NUDT9: variants seen among roughly 807,000 people sequenced by gnomAD.
NUDT9 encodes the protein ADP-ribose pyrophosphatase.
A neutral mutation model predicts 41.0 loss-of-function variants in NUDT9; 31 were observed. The ratio of observed to expected loss-of-function variants is 0.76; its 90% CI spans 0.57 to 1.02. The LOEUF is 1.02. Ranked by LOEUF, NUDT9 falls within the 50% of genes least tolerant of loss-of-function variation. The probability of loss-of-function intolerance (pLI) is 0.00; values close to 1 mark genes in which losing one functional copy is unlikely to be tolerated. For missense variants in NUDT9, 380 were observed against 431.4 expected, an observed-to-expected ratio of 0.88 and a Z score of 1.06; for synonymous variants, 146 against 147.6, an observed-to-expected ratio of 0.99 and a Z score of 0.08.
At chr4:87,430,572 C>T (rs1443676336) in intron 1 of NUDT9, among the ~76,000 whole-genome samples, 1 of 152,094 alleles carries the variant, frequency 6.6e-6, no homozygotes, top group Non-Finnish European at 1.5e-5. Flanking sequence ...AAGTAAATTT[C>T]TCCACATCCT....
intron 4 of NUDT9, among the ~76,000 whole-genome samples, chr4:87,445,995 C>G (rs564826245): frequency 6.7e-6 from 1 of 149,842 alleles, no homozygotes; most frequent in South Asian, 2.1e-4. Context: ...AACTCCTGAT[C>G]TCAAGCAGTC....
intron 3 of NUDT9, among the ~76,000 whole-genome samples, chr4:87,440,508 TG>T (rs548640064): frequency 8.5e-4 from 129 of 152,310 alleles, no homozygotes; most frequent in Non-Finnish European, 1.6e-3. Context: ...CTCTTTATGG[TG>T]GCCTTGATCA....
At chr4:87,447,396 T>C (rs1722505074) in intron 4 of NUDT9, among the ~76,000 whole-genome samples, 1 of 152,166 alleles carries the variant, frequency 6.6e-6, no homozygotes, top group Admixed American at 6.5e-5. Context: ...TGGAAACTCA[T>C]ATGCATACTA....
chr4:87,442,634 A>G (rs1722251996), intron 4 of NUDT9, among the ~76,000 whole-genome samples: 1 of 152,248 alleles, frequency 6.6e-6, no homozygotes, highest in South Asian at 2.1e-4. Context: ...CAACTGTACA[A>G]AAATAGTTTC....
At chr4:87,439,871 A>G (rs1371014925) in intron 3 of NUDT9, among the ~76,000 whole-genome samples, 1 of 152,198 alleles carries the variant, frequency 6.6e-6, no homozygotes, top group Non-Finnish European at 1.5e-5. Context: ...AGCATGTACC[A>G]AATAAAACCA....
intron 4 of NUDT9, among the ~76,000 whole-genome samples, chr4:87,448,564 C>T (rs575296010): frequency 6.6e-6 from 1 of 152,050 alleles, no homozygotes; most frequent in East Asian, 1.9e-4. Context: ...TCAGTGCAAC[C>T]TTAAACTCCT....
At chr4:87,430,040 T>C (rs985812318) in intron 1 of NUDT9, among the ~76,000 whole-genome samples, 7 of 152,098 alleles carry the variant, frequency 4.6e-5, no homozygotes, top group Non-Finnish European at 7.3e-5. Flanking sequence ...GACTTTGAGA[T>C]GGGGAGAGCA....
Position 87,449,141 on chromosome 4 carries a change from G to A in NUDT9, c.531-1G>A, listed in dbSNP as rs568919054. 5 of 1,538,244 alleles carry A rather than the reference G, an allele frequency of 3.3e-6. No individual in the cohort carries two copies. The highest frequency in any genetic ancestry group is 4.5e-6 in the Non-Finnish European group (5 of 1,111,538). The stretch of plus-strand genomic sequence containing the variant: ...TTATGATTTTATATTACTATTCACA[G>A]ATGGAAAAGGGATAGCAGTGGAAAT... On this transcript the variant is annotated splice_acceptor_variant, in intron 4 of 7. Coordinates refer to ENST00000302174, the MANE Select transcript of NUDT9 (RefSeq NM_024047.5). LOFTEE classifies it high-confidence loss of function.
At chr4:87,426,286 T>G (rs1721413679) in intron 1 of NUDT9, among the ~76,000 whole-genome samples, 1 of 152,176 alleles carries the variant, frequency 6.6e-6, no homozygotes. Flanking sequence ...GAAATAGAGA[T>G]AGTAAAACAT....
Position 87,423,028 on chromosome 4 carries a change from A to T in NUDT9, c.107+16A>T. On this transcript the variant is annotated intron_variant, in intron 1 of 7. Coordinates refer to ENST00000302174, the MANE Select transcript of NUDT9 (RefSeq NM_024047.5). ...AGGCGTTCAGGTATTCCACCCTCCT[A>T]CTACCGGCTCCTTTGCCCTAGACCT... The T allele has an allele frequency of 6.3e-7, 1 of 1,599,674 alleles. No individual in the cohort carries two copies. Among genetic ancestry groups the T allele is most frequent in the Non-Finnish European group, 8.6e-7 (1 of 1,169,426 alleles).
intron 1 of NUDT9, among the ~76,000 whole-genome samples, chr4:87,425,684 C>T (rs1042940852): frequency 2.7e-5 from 4 of 147,766 alleles, no homozygotes; most frequent in Non-Finnish European, 4.5e-5. Flanking sequence ...GTGTGAGCCC[C>T]CACGCCTGGC....
At chr4:87,434,933 A>C (rs1323856513) in intron 1 of NUDT9, 48 bp from the exon 2 acceptor site, 4 of 1,527,962 alleles carry the variant, frequency 2.6e-6, no homozygotes, top group Non-Finnish European at 3.6e-6. Flanking sequence ...TTCTTTAATT[A>C]ATATATTTTT....
intron 3 of NUDT9, among the ~76,000 whole-genome samples, 179 bp downstream of exon 3, chr4:87,438,551 A>G (rs868769682): frequency 6.6e-6 from 1 of 151,542 alleles, no homozygotes; most frequent in Admixed American, 6.6e-5. Flanking sequence ...TTTTACAGAT[A>G]AGGGAAGAGA....
At chr4:87,424,126 G>T (rs531485713) in intron 1 of NUDT9, among the ~76,000 whole-genome samples, 6 of 152,202 alleles carry the variant, frequency 3.9e-5, no homozygotes, top group Non-Finnish European at 8.8e-5. Context: ...AGATTGGGGA[G>T]GGAGGAGGAC....
At chr4:87,432,325 A>G (rs981208288) in intron 1 of NUDT9, among the ~76,000 whole-genome samples, 2 of 152,202 alleles carry the variant, frequency 1.3e-5, no homozygotes, top group Admixed American at 1.3e-4. Context: ...TGCCTGAAAC[A>G]GTTTTGGTTG....
intron 3 of NUDT9, among the ~76,000 whole-genome samples, chr4:87,440,307 G>A (rs1206429361): frequency 6.6e-6 from 1 of 152,190 alleles, no homozygotes; most frequent in Non-Finnish European, 1.5e-5. Flanking sequence ...CTAACTTGAG[G>A]AAAAGATGGA....
At chr4:87,451,802 C>A in intron 6 of NUDT9, 67 bp downstream of exon 6, 1 of 1,372,024 alleles carries the variant, frequency 7.3e-7, no homozygotes, top group Non-Finnish European at 1.0e-6. Flanking sequence ...AAAAGTTGAC[C>A]TGGAAATCTG....
chr4:87,430,899 A>G (rs1721657786), intron 1 of NUDT9, among the ~76,000 whole-genome samples: 1 of 150,314 alleles, frequency 6.7e-6, no homozygotes, highest in Admixed American at 6.6e-5. Context: ...TTCTCTCTTG[A>G]TTGTGTCTTT....
intron 1 of NUDT9, among the ~76,000 whole-genome samples, chr4:87,424,412 C>T (rs951426665): frequency 1.3e-5 from 2 of 152,006 alleles, no homozygotes; most frequent in Non-Finnish European, 1.5e-5. Context: ...GGCGCGCGCA[C>T]GCCCGGCTAA....
Sources: allele counts gnomAD v4.1 joint callset (sites outside exome capture counted in the v4.1 genomes callset), GRCh38; gene constraint gnomAD v4.1.1; transcripts MANE v1.5; gene names NCBI Gene and HGNC (gene_info 2026-07-23, HGNC 2026-07-21).